The following ARHGAP36 variants were observed in gnomAD, a reference collection of about 807,000 sequenced individuals.
ARHGAP36 encodes the protein rho GTPase-activating protein 36.
In ARHGAP36, 7 loss-of-function variants were observed where a neutral mutation model predicts 32.9. The observed-to-expected ratio is 0.21, with a 90% confidence interval of 0.12 to 0.40. ARHGAP36 has a LOEUF of 0.40. Among genes scored for constraint, ARHGAP36 ranks in the 10% least tolerant of loss-of-function variants. The probability of loss-of-function intolerance (pLI) is 1.00; values close to 1 mark genes in which losing one functional copy is unlikely to be tolerated. For missense variants in ARHGAP36, 383 were observed against 442.2 expected (o/e 0.87, Z 1.20); for synonymous variants, 165 against 168.3 (o/e 0.98, Z 0.15).
chrX:131,083,132 T>C, intron 2 of ARHGAP36, 33 bp from the exon 3 acceptor site: 2 of 1,185,541 alleles, frequency 1.7e-6, no homozygotes, highest in Non-Finnish European at 2.3e-6. Flanking sequence ...GTCCTATTTG[T>C]AAGTGTATCT....
At chrX:131,058,563 G>A in intron 1 of ARHGAP36, 119 bp downstream of exon 1, 1 of 617,537 alleles carries the variant, frequency 1.6e-6, no homozygotes, top group Non-Finnish European at 2.2e-6. Flanking sequence ...CCTTCCTGCT[G>A]GCTTTTAGCT....
chrX:131,087,401 C>T (rs183364144), intron 11 of ARHGAP36, among the ~76,000 whole-genome samples: 1 of 111,422 alleles, frequency 9.0e-6, no homozygotes, highest in East Asian at 2.8e-4. Flanking sequence ...GAAGAAGTCT[C>T]AGCTCTTTAT....
Position 131,086,652 on chromosome X carries a change from G to A in ARHGAP36, c.1473G>A (p.Lys491=). The stretch of plus-strand genomic sequence containing the variant: ...GGGCTGCTGTCCTTGCTCAAAGCAA[G>A]CCTTCTGATGAAGGTCAGTTCCCTG... ...EARAAVLAQS[K]PSDEGSSEEP... Residue 491 remains lysine (K), a synonymous_variant, in exon 11 of 12, where the codon AAG becomes AAA. Transcript: ENST00000276211. 2.5e-6 allele frequency: 3 copies of A among 1,211,578 alleles called. No individual in the cohort carries two copies. Among genetic ancestry groups the A allele is most frequent in the Non-Finnish European group, 3.4e-6 (3 of 895,251 alleles).
rs1462071738 is a variant in ARHGAP36 at position 131,089,532 on chromosome X, C to T, written c.*747C>T. 8.8e-6 allele frequency: 1 copy of T among 113,195 alleles called. No homozygotes were observed. Among genetic ancestry groups the T allele is most frequent in the Non-Finnish European group, 1.9e-5 (1 of 53,445 alleles). The allele number at this position is 113,195 out of a possible 1,213,427, so 9.3% of individuals were successfully genotyped here. A position where few individuals can be genotyped will look rare whatever the true frequency, so the allele number is the denominator to read the frequency against. On this transcript the variant is annotated 3_prime_UTR_variant, in exon 12 of 12. Coordinates refer to ENST00000276211, the MANE Select transcript of ARHGAP36 (RefSeq NM_144967.4). ...CTGCTTTAAAGACAATTGGTGTTTA[C>T]ACCCTCTTGTCAGCAAAACAGCTAG...
intron 1 of ARHGAP36, among the ~76,000 whole-genome samples, chrX:131,075,944 A>C (rs891573292): frequency 3.6e-5 from 4 of 111,594 alleles, no homozygotes; most frequent in African/African-American, 1.3e-4. Flanking sequence ...CCAAAGTCTT[A>C]GTTTGTTGCT....
At chrX:131,061,822 G>C (rs1349521716) in intron 1 of ARHGAP36, among the ~76,000 whole-genome samples, 1 of 112,206 alleles carries the variant, frequency 8.9e-6, no homozygotes, top group Non-Finnish European at 1.9e-5. Flanking sequence ...CTAGAGCTTA[G>C]CCCATACCTT....
rs1033399759 is a variant in ARHGAP36, at chrX:131,081,539, G to T, written c.-127G>T. On this transcript the variant is annotated 5_prime_UTR_variant, in exon 2 of 12. Transcript: ENST00000276211. ...TCTTTTTTAGCAAAAACAACCAGAG[G>T]CTGCTCTGCTTGAGGGTGAAGCCGC... 8 of 1,096,082 alleles carry T rather than the reference G, an allele frequency of 7.3e-6. No individual in the cohort carries two copies. The highest frequency in any genetic ancestry group is 6.5e-5 in the Admixed American group (2 of 30,567). The allele number at this position is 1,096,082 out of a possible 1,213,427, so 90.3% of individuals were successfully genotyped here. A position where few individuals can be genotyped will look rare whatever the true frequency, so the allele number is the denominator to read the frequency against.
intron 2 of ARHGAP36, among the ~76,000 whole-genome samples, chrX:131,082,454 G>A (rs902681434): frequency 7.1e-5 from 8 of 112,765 alleles, no homozygotes; most frequent in African/African-American, 2.3e-4. Context: ...GGCTGCCGGG[G>A]AGCGAGCAGG....
rs2079824368 is a variant in ARHGAP36, at chrX:131,084,611, G to A, written c.749-15G>A. The A allele has an allele frequency of 8.3e-7, 1 of 1,210,560 alleles. No individual in the cohort carries two copies. Among genetic ancestry groups the A allele is most frequent in the Non-Finnish European group, 1.1e-6 (1 of 894,615 alleles). ...GATTCAGAGATGCTTAGCATCCCCT[G>A]GTCTTTTCTTTCAGGCTTAAGCGCA... On this transcript the variant is annotated splice_polypyrimidine_tract_variant and intron_variant, in intron 5 of 11. Transcript: ENST00000276211.
At chrX:131,063,098 C>T (rs779482749) in intron 1 of ARHGAP36, among the ~76,000 whole-genome samples, 5 of 112,063 alleles carry the variant, frequency 4.5e-5, no homozygotes, top group Admixed American at 1.9e-4. Context: ...GCAATACAAA[C>T]GCACCACCTG....
chrX:131,073,883 T>A (rs999157445), intron 1 of ARHGAP36, among the ~76,000 whole-genome samples: 6 of 111,337 alleles, frequency 5.4e-5, no homozygotes, highest in East Asian at 5.6e-4. Flanking sequence ...TTGATATTTT[T>A]AAAAATATGC....
chrX:131,080,898 T>C (rs1419437826), intron 1 of ARHGAP36, among the ~76,000 whole-genome samples: 1 of 112,235 alleles, frequency 8.9e-6, no homozygotes, highest in African/African-American at 3.2e-5. Flanking sequence ...TGCATGTTTT[T>C]CTTCACATAG....
chrX:131,077,807 T>TATATATATATATATATATA (rs1569366758), intron 1 of ARHGAP36, among the ~76,000 whole-genome samples: 1 of 88,070 alleles, frequency 1.1e-5, no homozygotes, highest in African/African-American at 6.0e-5. Flanking sequence ...ATATATATAT[T>TATATATATATATATATATA]GCTAGTGACA....
chrX:131,083,915 T>C lies in ARHGAP36; in HGVS notation c.501T>C (p.Ser167=), dbSNP rs1281678620. 3 of 1,211,750 alleles carry C rather than the reference T, an allele frequency of 2.5e-6. No homozygotes were observed. The highest frequency in any genetic ancestry group is 4.3e-5 in the Admixed American group (2 of 46,088). The change falls in exon 4 of 12, where the codon AGT becomes AGC. Residue 167 remains serine, a synonymous_variant. Coordinates refer to ENST00000276211, the MANE Select transcript of ARHGAP36 (RefSeq NM_144967.4). ...RVFGRIRRFF[S]RRRNEPTLPR... The stretch of plus-strand genomic sequence containing the variant: ...TTGGCCGCATCCGGCGCTTTTTCAG[T>C]CGCAGGCGGAATGAGCCCACCTTGC...
At chrX:131,064,810 C>A (rs914616623) in intron 1 of ARHGAP36, among the ~76,000 whole-genome samples, 5 of 111,687 alleles carry the variant, frequency 4.5e-5, no homozygotes, top group Non-Finnish European at 5.6e-5. Flanking sequence ...ACCATGATCT[C>A]TCTCCCCACA....
chrX:131,065,072 C>T (rs995116383), intron 1 of ARHGAP36, among the ~76,000 whole-genome samples: 1 of 107,994 alleles, frequency 9.3e-6, no homozygotes, highest in South Asian at 4.1e-4. Flanking sequence ...TGTGTGTCTG[C>T]GTGTCTGTGT....
Position 131,088,597 on chromosome X carries a change from A to G in ARHGAP36, c.1487-31A>G, listed in dbSNP as rs747694795. On this transcript the variant is annotated intron_variant, in intron 11 of 11. Transcript: ENST00000276211. ...TGCGCAAAGTATAAAGTCTAGAAAC[A>G]TAAGGAGTTAACATTGTTACTATTT... The G allele has an allele frequency of 1.4e-5, 17 of 1,198,567 alleles. No individual in the cohort carries two copies. The Admixed American group carries it at 1.8e-4, about 13-fold the overall frequency.
At chrX:131,078,837 A>G (rs1215096239) in intron 1 of ARHGAP36, 1 of 740,096 alleles carries the variant, frequency 1.4e-6, no homozygotes, top group East Asian at 8.2e-5. Flanking sequence ...GCAGGGAGGC[A>G]ATGACAAACG....
At chrX:131,078,363 A>G (rs1015167536) in intron 1 of ARHGAP36, among the ~76,000 whole-genome samples, 2 of 112,121 alleles carry the variant, frequency 1.8e-5, no homozygotes, top group East Asian at 2.8e-4. Context: ...AACACTAGTA[A>G]AAGTATTTGT....
Sources: gnomAD v4.1 joint callset for allele counts (sites outside exome capture counted in the v4.1 genomes callset) on GRCh38, gnomAD v4.1.1 for gene constraint, MANE v1.5 for transcripts, NCBI Gene and HGNC (gene_info 2026-07-23, HGNC 2026-07-21) for gene names.